Variants in SCLT1 observed in about 807,000 individuals in gnomAD.
SCLT1 encodes sodium channel and clathrin linker 1.
Under a neutral mutation model 112.8 loss-of-function variants are expected in SCLT1, and 78 were observed. The observed-to-expected ratio is 0.69, with a 90% CI of 0.58 to 0.83. The LOEUF (loss-of-function observed/expected upper bound fraction) is 0.83. SCLT1 is among the 40% of genes least tolerant of loss of function. The pLI is 0.00. For missense variants in SCLT1, 747 were observed against 770.4 expected (o/e 0.97, Z 0.36); for synonymous variants, 257 against 254.7 (o/e 1.01, Z -0.09).
intron 9 of SCLT1, among the ~76,000 whole-genome samples, chr4:128,981,050 T>G (rs937622702): frequency 1.3e-5 from 2 of 152,160 alleles, no homozygotes; most frequent in Non-Finnish European, 2.9e-5. Flanking sequence ...GCCATATGTC[T>G]AGTACTGTGC....
intron 5 of SCLT1, among the ~76,000 whole-genome samples, chr4:129,020,769 G>A (rs1408088009): frequency 6.6e-6 from 1 of 152,068 alleles, no homozygotes; most frequent in Non-Finnish European, 1.5e-5. Context: ...AAAGATCCAG[G>A]TATGAATATA....
intron 5 of SCLT1, among the ~76,000 whole-genome samples, chr4:129,005,757 G>C (rs1162575727): frequency 6.7e-6 from 1 of 150,086 alleles, no homozygotes; most frequent in Admixed American, 6.6e-5. Context: ...CAAAGACTTG[G>C]AACCAACCCA....
At chr4:129,032,196 C>T (rs554711404) in intron 5 of SCLT1, among the ~76,000 whole-genome samples, 1 of 152,096 alleles carries the variant, frequency 6.6e-6, no homozygotes, top group Non-Finnish European at 1.5e-5. Flanking sequence ...ACATCTACAA[C>T]CATCTGATCT....
intron 1 of SCLT1, among the ~76,000 whole-genome samples, chr4:129,086,495 G>A (rs1752408726): frequency 1.3e-5 from 2 of 152,086 alleles, no homozygotes; most frequent in Admixed American, 1.3e-4. Context: ...GACTGCCTGG[G>A]TTCAAATCCC....
intron 10 of SCLT1, among the ~76,000 whole-genome samples, chr4:128,968,506 A>T (rs1740402497): frequency 6.6e-6 from 1 of 152,144 alleles, no homozygotes; most frequent in Non-Finnish European, 1.5e-5. Context: ...TTCCTTGAAC[A>T]TATATATAAT....
intron 18 of SCLT1, among the ~76,000 whole-genome samples, chr4:128,913,738 T>C (rs1000906785): frequency 1.3e-5 from 2 of 152,206 alleles, no homozygotes; most frequent in Admixed American, 6.5e-5. Flanking sequence ...CAAAAATACA[T>C]ACAGTGCCTA....
intron 18 of SCLT1, among the ~76,000 whole-genome samples, chr4:128,892,393 A>G (rs748783730): frequency 1.3e-5 from 2 of 152,242 alleles, no homozygotes; most frequent in Non-Finnish European, 2.9e-5. Context: ...ATTTCCAAGT[A>G]GAGAATTAAT....
intron 5 of SCLT1, among the ~76,000 whole-genome samples, chr4:129,017,186 T>G (rs1201198812): frequency 6.6e-6 from 1 of 151,966 alleles, no homozygotes; most frequent in Admixed American, 6.6e-5. Flanking sequence ...AATTTATGTG[T>G]TTTTTTGTGG....
chr4:128,952,476 C>A, intron 14 of SCLT1: 1 of 521,612 alleles, frequency 1.9e-6, no homozygotes, highest in Non-Finnish European at 3.7e-6. Flanking sequence ...CTTGGTTTCC[C>A]AGATAAACTC....
chr4:129,016,298 A>T (rs186920352), intron 5 of SCLT1, among the ~76,000 whole-genome samples: 1 of 152,006 alleles, frequency 6.6e-6, no homozygotes, highest in East Asian at 1.9e-4. Flanking sequence ...TACATGCATT[A>T]ACTATTTATC....
At chr4:128,970,684 G>A in intron 9 of SCLT1, 1 of 481,676 alleles carries the variant, frequency 2.1e-6, no homozygotes, top group Non-Finnish European at 3.7e-6. Context: ...AGGGTATGAA[G>A]TAGAGGTCAT....
chr4:129,074,011 T>C (rs569097300), intron 2 of SCLT1, among the ~76,000 whole-genome samples: 2 of 152,162 alleles, frequency 1.3e-5, no homozygotes, highest in Non-Finnish European at 2.9e-5. Context: ...TACTCTTCAA[T>C]GTCCGTAAGA....
At chr4:129,020,849 A>C (rs898428171) in intron 5 of SCLT1, among the ~76,000 whole-genome samples, 18 of 152,200 alleles carry the variant, frequency 1.2e-4, no homozygotes, top group Non-Finnish European at 2.4e-4. Context: ...AATGTATACC[A>C]AGCACTGTTC....
intron 2 of SCLT1, among the ~76,000 whole-genome samples, chr4:129,054,310 G>A (rs1027909173): frequency 2.6e-5 from 4 of 152,124 alleles, no homozygotes; most frequent in African/African-American, 9.7e-5. Flanking sequence ...TGCTAGGTTG[G>A]AGAAGTTCTC....
chr4:129,059,805 T>C (rs1390017976), intron 2 of SCLT1, among the ~76,000 whole-genome samples: 1 of 152,204 alleles, frequency 6.6e-6, no homozygotes, highest in Non-Finnish European at 1.5e-5. Flanking sequence ...TTTGAAAATT[T>C]GTCTGTAATA....
chr4:129,028,403 C>T (rs1278324868), intron 5 of SCLT1, among the ~76,000 whole-genome samples: 10 of 152,036 alleles, frequency 6.6e-5, no homozygotes, highest in African/African-American at 2.4e-4. Context: ...CTTTGACAAA[C>T]CTGAGAAAAA....
rs1739282457 is a variant in SCLT1, at chr4:128,957,095, T to C, written c.1077A>G (p.Glu359=). The change falls in exon 13 of 21, where the codon GAA becomes GAG. Residue 359 remains glutamate, a synonymous_variant. Coordinates refer to ENST00000281142, the MANE Select transcript of SCLT1 (RefSeq NM_144643.4). The part of the protein sequence containing the change: ...QALLEEKQKE[E]DIEKMKETVS... ...CTGTCTCTTTCATTTTCTCTATGTC[T>C]TCTTCTTTTTGCTTCTCCTCAAGTA... 1 of 1,600,392 alleles carries C rather than the reference T, an allele frequency of 6.2e-7. No homozygotes were observed. Among genetic ancestry groups the C allele is most frequent in the Non-Finnish European group, 8.5e-7 (1 of 1,171,092 alleles).
chr4:128,982,844 G>T (rs1741779026), intron 9 of SCLT1, among the ~76,000 whole-genome samples: 1 of 151,994 alleles, frequency 6.6e-6, no homozygotes, highest in Non-Finnish European at 1.5e-5. Flanking sequence ...ATGCCACTCT[G>T]ATGAGAAGTT....
At chr4:128,935,307 A>G (rs1247437299) in intron 18 of SCLT1, among the ~76,000 whole-genome samples, 2 of 151,946 alleles carry the variant, frequency 1.3e-5, no homozygotes, top group Non-Finnish European at 2.9e-5. Flanking sequence ...TGTCATTCCA[A>G]CCTTCCACCA....
Sources: allele counts gnomAD v4.1 joint callset (sites outside exome capture counted in the v4.1 genomes callset), GRCh38; gene constraint gnomAD v4.1.1; transcripts MANE v1.5; gene names NCBI Gene and HGNC (gene_info 2026-07-23, HGNC 2026-07-21).